Variants in SPOCK3 observed in about 807,000 individuals in gnomAD.
The protein encoded by SPOCK3 is testican-3.
In SPOCK3, 30 loss-of-function variants were observed where a neutral mutation model predicts 56.6. The observed-to-expected ratio is 0.53, with a 90% confidence interval of 0.40 to 0.72. SPOCK3 has a LOEUF of 0.72. SPOCK3 is among the 30% of genes least tolerant of loss of function. The probability of loss-of-function intolerance (pLI) is 0.00; values close to 1 mark genes in which losing one functional copy is unlikely to be tolerated. For synonymous variants in SPOCK3, 196 were observed against 183.3 expected (o/e 1.07, Z -0.56); for missense variants, 527 against 530.0 (o/e 0.99, Z 0.06).
intron 2 of SPOCK3, among the ~76,000 whole-genome samples, chr4:167,126,302 C>T (rs574771350): frequency 5.1e-4 from 78 of 152,236 alleles, no homozygotes; most frequent in Non-Finnish European, 8.7e-4. Context: ...AATCCCAGCA[C>T]TTTGGGAGGC....
At chr4:167,111,170 T>C (rs1760872069) in intron 2 of SPOCK3, among the ~76,000 whole-genome samples, 2 of 152,082 alleles carry the variant, frequency 1.3e-5, no homozygotes, top group East Asian at 1.9e-4. Context: ...ATACTTTATA[T>C]GAAATTATTA....
At chr4:167,120,017 C>T in intron 2 of SPOCK3, 1 of 554,460 alleles carries the variant, frequency 1.8e-6, no homozygotes, top group Non-Finnish European at 3.1e-6. Flanking sequence ...CAGTGTATCT[C>T]TTAAATTACA....
chr4:166,840,357 C>T (rs4859995), intron 6 of SPOCK3, among the ~76,000 whole-genome samples: 112,506 of 152,094 alleles, frequency 0.74, 41,658 homozygotes, highest in East Asian at 0.82. Flanking sequence ...GGGTGAATAT[C>T]GTCTACATTA....
At chr4:166,847,146 T>C (rs1438465930) in intron 6 of SPOCK3, among the ~76,000 whole-genome samples, 2 of 152,162 alleles carry the variant, frequency 1.3e-5, no homozygotes, top group Non-Finnish European at 2.9e-5. Flanking sequence ...TATGTCATCC[T>C]GTACTGCAAA....
At chr4:166,899,310 T>C (rs997750033) in intron 5 of SPOCK3, among the ~76,000 whole-genome samples, 1 of 130,826 alleles carries the variant, frequency 7.6e-6, no homozygotes, top group Non-Finnish European at 1.7e-5. Flanking sequence ...ATGTACCCTA[T>C]GGGTTGTAAT....
intron 3 of SPOCK3, among the ~76,000 whole-genome samples, chr4:167,011,585 T>C (rs1439165961): frequency 1.3e-5 from 2 of 152,134 alleles, no homozygotes; most frequent in Non-Finnish European, 2.9e-5. Flanking sequence ...CCAGGATCAA[T>C]GTTGTTAAAA....
chr4:167,010,258 T>C (rs907084975), intron 3 of SPOCK3, among the ~76,000 whole-genome samples: 1 of 152,196 alleles, frequency 6.6e-6, no homozygotes, highest in Admixed American at 6.5e-5. Flanking sequence ...TGGTGGCTCA[T>C]ACCTGTTATC....
At chr4:167,083,695 C>T (rs956287656) in intron 2 of SPOCK3, among the ~76,000 whole-genome samples, 1 of 151,938 alleles carries the variant, frequency 6.6e-6, no homozygotes, top group South Asian at 2.1e-4. Flanking sequence ...TGATGTGAAA[C>T]CCATTGATAA....
intron 2 of SPOCK3, among the ~76,000 whole-genome samples, chr4:167,115,426 A>C (rs1251043647): frequency 2.6e-5 from 4 of 152,144 alleles, no homozygotes; most frequent in Admixed American, 6.6e-5. Context: ...TTTAAATGAA[A>C]ATAAAATTGA....
intron 8 of SPOCK3, among the ~76,000 whole-genome samples, chr4:166,745,999 G>A (rs1056071815): frequency 6.6e-6 from 1 of 152,120 alleles, no homozygotes; most frequent in Non-Finnish European, 1.5e-5. Flanking sequence ...AGTCCTTAGA[G>A]ACCTACAAAG....
At chr4:167,201,698 A>G (rs1463575471) in intron 2 of SPOCK3, among the ~76,000 whole-genome samples, 3 of 151,514 alleles carry the variant, frequency 2.0e-5, no homozygotes. Context: ...TTCTTCTTTA[A>G]TGACTACTAA....
chr4:166,946,481 G>A (rs572815162), intron 4 of SPOCK3, among the ~76,000 whole-genome samples: 13 of 152,060 alleles, frequency 8.5e-5, no homozygotes, highest in African/African-American at 2.2e-4. Context: ...AACCTGTGCC[G>A]CCAAGTCCTT....
At chr4:167,056,889 C>A (rs964782221) in intron 3 of SPOCK3, among the ~76,000 whole-genome samples, 1 of 152,120 alleles carries the variant, frequency 6.6e-6, no homozygotes, top group Non-Finnish European at 1.5e-5. Flanking sequence ...AGAACTTCCC[C>A]AATCTAGCAA....
intron 6 of SPOCK3, among the ~76,000 whole-genome samples, chr4:166,823,377 G>A (rs1409467835): frequency 6.6e-6 from 1 of 151,936 alleles, no homozygotes; most frequent in African/African-American, 2.4e-5. Context: ...ATGAAAAGTT[G>A]ACTGATGTAT....
At chr4:166,998,170 A>G (rs1356388487) in intron 4 of SPOCK3, among the ~76,000 whole-genome samples, 1 of 152,172 alleles carries the variant, frequency 6.6e-6, no homozygotes, top group African/African-American at 2.4e-5. Context: ...TGATTTATTT[A>G]TTGAATAGAG....
intron 4 of SPOCK3, among the ~76,000 whole-genome samples, chr4:166,974,864 G>A (rs1424162288): frequency 6.6e-6 from 1 of 152,178 alleles, no homozygotes; most frequent in Non-Finnish European, 1.5e-5. Context: ...AACTTACACT[G>A]AATGTTAATC....
At chr4:166,788,671 AATT>A (rs1245050760) in intron 7 of SPOCK3, among the ~76,000 whole-genome samples, 2 of 151,808 alleles carry the variant, frequency 1.3e-5, no homozygotes, top group Admixed American at 6.6e-5. Flanking sequence ...ATAAAGTGAA[AATT>A]ATTATAACAA....
chr4:167,025,683 A>G (rs961608404), intron 3 of SPOCK3, among the ~76,000 whole-genome samples: 1 of 151,966 alleles, frequency 6.6e-6, no homozygotes, highest in Admixed American at 6.6e-5. Flanking sequence ...AATGCACCAG[A>G]TATCACCCCC....
rs1193874885 is a variant in SPOCK3, at chr4:166,918,635, C to CA, written c.351-5893dup. Among the ~76,000 whole-genome samples, 7 of 145,008 alleles carry CA rather than the reference C, an allele frequency of 4.8e-5. No individual in the cohort carries two copies. In the East Asian group the frequency reaches 9.6e-4, roughly 20 times the overall value. On this transcript the variant is annotated intron_variant, in intron 4 of 10. Transcript: ENST00000357545. ...TATATTTTCAAAGGACAGAAATTCA[C>CA]AAAAAAACAATTTTTAAACATATTT... is the stretch of plus-strand genomic sequence containing the variant.
Sources: gnomAD v4.1 joint callset for allele counts (sites outside exome capture counted in the v4.1 genomes callset) on GRCh38, gnomAD v4.1.1 for gene constraint, MANE v1.5 for transcripts, NCBI Gene and HGNC (gene_info 2026-07-23, HGNC 2026-07-21) for gene names.